Variants in BANK1 observed in about 807,000 individuals in gnomAD.
The protein encoded by BANK1 is B cell scaffold protein with ankyrin repeats 1.
Under a neutral mutation model 94.5 loss-of-function variants are expected in BANK1, and 95 were observed. The observed-to-expected ratio is 1.00, with a 90% CI of 0.85 to 1.19. BANK1 has a LOEUF of 1.19. Among genes scored for constraint, BANK1 ranks in the 50% most tolerant of loss-of-function variants. The pLI is 0.00. For synonymous variants in BANK1, 334 were observed against 308.4 expected (o/e 1.08, Z -0.87); for missense variants, 987 against 932.2 (o/e 1.06, Z -0.77).
chr4:101,790,894 C>T lies in BANK1; in HGVS notation c.14C>T (p.Ala5Val), dbSNP rs1186752487. 12 of 1,539,420 alleles carry T rather than the reference C, an allele frequency of 7.8e-6. No individual in the cohort carries two copies. Among genetic ancestry groups the T allele is most frequent in the Non-Finnish European group, 9.6e-6 (11 of 1,147,186 alleles). The change falls in exon 1 of 17, where the codon GCG (alanine) becomes GTG (valine). Residue 5 changes from alanine to valine, a missense_variant. By Grantham distance (64) the Ala-to-Val change is moderately conservative. Transcript: ENST00000322953. ...TCAACCGCCACAATGCTGCCAGCAG[C>T]GCCAGGCAAGGGGCTTGGGAGCCCG... Reference protein sequence around the residue: MLPAAPGKGLGSPDP... With the variant: MLPAVPGKGLGSPDP...
At chr4:102,052,049 C>G (rs564703988) in intron 11 of BANK1, among the ~76,000 whole-genome samples, 1 of 151,996 alleles carries the variant, frequency 6.6e-6, no homozygotes, top group South Asian at 2.1e-4. Context: ...AAGGAAAGAG[C>G]CAAAGGACAC....
rs757193541 is a variant in BANK1, at chr4:102,063,116, G to C, written c.2190G>C (p.Arg730Ser). Reference sequence around the variant, plus strand: ...TACGAGACTGCATTATTGGGAAAAGGCCAGAAGAAGAAAATGTCTATAGTA... The same window carrying C: ...TACGAGACTGCATTATTGGGAAAAGCCCAGAAGAAGAAAATGTCTATAGTA... ...RQLRDCIIGKRPEEENVYNKL... is the reference protein window; with the variant it reads ...RQLRDCIIGKSPEEENVYNKL... The change falls in exon 13 of 17, where the codon AGG becomes AGC. Residue 730 changes from arginine to serine, a missense_variant. Coordinates refer to ENST00000322953, the MANE Select transcript of BANK1 (RefSeq NM_017935.5). 6.2e-7 allele frequency: 1 copy of C among 1,613,422 alleles called. No individual in the cohort carries two copies. Among genetic ancestry groups the C allele is most frequent in the Non-Finnish European group, 8.5e-7 (1 of 1,179,516 alleles).
At chr4:101,949,156 C>T (rs1724044977) in intron 7 of BANK1, among the ~76,000 whole-genome samples, 1 of 152,038 alleles carries the variant, frequency 6.6e-6, no homozygotes, top group African/African-American at 2.4e-5. Flanking sequence ...GATGACGTGG[C>T]TCTGCTCTAT....
chr4:102,042,812 T>G (rs534356549), intron 10 of BANK1, among the ~76,000 whole-genome samples: 66 of 152,054 alleles, frequency 4.3e-4, no homozygotes, highest in African/African-American at 1.5e-3. Flanking sequence ...ATTTCCCTTT[T>G]AATCCTCTCC....
chr4:101,829,487 A>T (rs1288853068), intron 1 of BANK1, among the ~76,000 whole-genome samples: 1 of 151,712 alleles, frequency 6.6e-6, no homozygotes, highest in Non-Finnish European at 1.5e-5. Flanking sequence ...TTAAAATATT[A>T]TCTATAACAT....
At chr4:102,060,861 A>G (rs1053666214) in intron 12 of BANK1, among the ~76,000 whole-genome samples, 3 of 152,188 alleles carry the variant, frequency 2.0e-5, no homozygotes, top group Non-Finnish European at 4.4e-5. Context: ...TTACATATAT[A>G]TGTTCAAATA....
intron 13 of BANK1, among the ~76,000 whole-genome samples, chr4:102,066,936 T>G (rs895048455): frequency 1.3e-5 from 2 of 152,138 alleles, no homozygotes; most frequent in Non-Finnish European, 2.9e-5. Flanking sequence ...TGGAGGCAGA[T>G]AAATAGAATT....
chr4:101,957,484 C>G (rs73834510), intron 7 of BANK1, among the ~76,000 whole-genome samples: 1 of 152,190 alleles, frequency 6.6e-6, no homozygotes, highest in Non-Finnish European at 1.5e-5. Flanking sequence ...CGATTGAGTT[C>G]TCGTCTATGA....
intron 3 of BANK1, among the ~76,000 whole-genome samples, chr4:101,855,846 T>A (rs1727658931): frequency 6.6e-6 from 1 of 152,106 alleles, no homozygotes; most frequent in African/African-American, 2.4e-5. Context: ...AATAAGAGTA[T>A]AATGTGGGGG....
intron 7 of BANK1, among the ~76,000 whole-genome samples, chr4:102,020,284 G>A (rs6853184): frequency 0.095 from 14,379 of 151,980 alleles, 1,292 homozygotes; most frequent in African/African-American, 0.23. Flanking sequence ...ACAAAGATTA[G>A]CTATATTAAA....
At chr4:102,007,083 T>TATATTTATATATATAA (rs1578450867) in intron 7 of BANK1, among the ~76,000 whole-genome samples, 6 of 72,308 alleles carry the variant, frequency 8.3e-5, no homozygotes, top group Non-Finnish European at 1.7e-4. Flanking sequence ...TATATATAAA[T>TATATTTATATATATAA]ATATATATAA....
At chr4:102,000,719 G>C (rs149463335) in intron 7 of BANK1, among the ~76,000 whole-genome samples, 1 of 152,284 alleles carries the variant, frequency 6.6e-6, no homozygotes, top group East Asian at 1.9e-4. Flanking sequence ...GCAAAAAGCT[G>C]ATGAATTCTA....
chr4:101,953,482 G>A (rs1264026876), intron 7 of BANK1, among the ~76,000 whole-genome samples: 2 of 151,862 alleles, frequency 1.3e-5, no homozygotes, highest in African/African-American at 4.8e-5. Flanking sequence ...GCTAGTACTT[G>A]GAAATTTTGC....
chr4:101,993,953 T>C (rs1224723337), intron 7 of BANK1, among the ~76,000 whole-genome samples: 1 of 152,246 alleles, frequency 6.6e-6, no homozygotes, highest in Non-Finnish European at 1.5e-5. Context: ...TTGTTGTCTT[T>C]GTCTACATGG....
intron 5 of BANK1, among the ~76,000 whole-genome samples, chr4:101,885,490 T>C (rs1728818941): frequency 6.6e-6 from 1 of 152,166 alleles, no homozygotes; most frequent in Admixed American, 6.5e-5. Flanking sequence ...CTTTTCCAGT[T>C]CCCCCTTTAT....
chr4:101,825,969 A>G (rs1411042734), intron 1 of BANK1, among the ~76,000 whole-genome samples: 1 of 152,180 alleles, frequency 6.6e-6, no homozygotes, highest in East Asian at 1.9e-4. Context: ...TTGTCTGCCA[A>G]TTGTGATACC....
At chr4:101,947,541 C>A (rs1304462737) in intron 7 of BANK1, among the ~76,000 whole-genome samples, 2 of 151,424 alleles carry the variant, frequency 1.3e-5, no homozygotes, top group Admixed American at 1.3e-4. Context: ...TTTACTAGAT[C>A]TCCAGATGGT....
chr4:101,937,984 C>G lies in BANK1; in HGVS notation c.1206+19795C>G, dbSNP rs1036044409. 1.6e-4 allele frequency among the ~76,000 whole-genome samples: 24 copies of G among 151,636 alleles called. 1 individual carries two copies. The highest frequency in any genetic ancestry group is 1.2e-4 in the Non-Finnish European group (8 of 67,856). On this transcript the variant is annotated intron_variant, in intron 7 of 16. Coordinates refer to ENST00000322953, the MANE Select transcript of BANK1 (RefSeq NM_017935.5). The stretch of plus-strand genomic sequence containing the variant: ...AACCATAATTCTCAGCAGACTAACA[C>G]AGGAACAGAAAAGCAAACACCACAT...
chr4:101,943,620 T>G (rs1487365312), intron 7 of BANK1, among the ~76,000 whole-genome samples: 1 of 151,846 alleles, frequency 6.6e-6, no homozygotes, highest in Non-Finnish European at 1.5e-5. Flanking sequence ...TAGGACAGAT[T>G]GAGTTGAAAT....
Sources: gnomAD v4.1 joint callset for allele counts (sites outside exome capture counted in the v4.1 genomes callset) on GRCh38, gnomAD v4.1.1 for gene constraint, MANE v1.5 for transcripts, NCBI Gene and HGNC (gene_info 2026-07-23, HGNC 2026-07-21) for gene names.